Variants in FOXN3 observed in about 807,000 individuals in gnomAD.
FOXN3 encodes forkhead box protein N3.
In FOXN3, 7 loss-of-function variants were observed where a neutral mutation model predicts 38.4. The observed-to-expected ratio is 0.18, with a 90% CI of 0.10 to 0.34. The LOEUF is 0.34. FOXN3 is among the 10% of genes least tolerant of loss of function. The probability of loss-of-function intolerance (pLI) is 1.00; values close to 1 mark genes in which losing one functional copy is unlikely to be tolerated. For synonymous variants in FOXN3, 230 were observed against 242.2 expected (o/e 0.95, Z 0.47); for missense variants, 456 against 613.4 (o/e 0.74, Z 2.71).
At chr14:89,263,358 A>AG (rs902384982) in intron 4 of FOXN3, among the ~76,000 whole-genome samples, 112 of 152,244 alleles carry the variant, frequency 7.4e-4, no homozygotes, top group African/African-American at 2.6e-3. Flanking sequence ...GAATTTTTGA[A>AG]GAAAAAAAAA....
At chr14:89,438,522 C>G (rs1892315816) in intron 1 of FOXN3, among the ~76,000 whole-genome samples, 2 of 152,164 alleles carry the variant, frequency 1.3e-5, no homozygotes, top group Admixed American at 6.5e-5. Context: ...ATCTTCTATT[C>G]TCTCTAGAGA....
At chr14:89,339,449 C>T (rs1196378591) in intron 3 of FOXN3, among the ~76,000 whole-genome samples, 3 of 152,202 alleles carry the variant, frequency 2.0e-5, no homozygotes, top group African/African-American at 7.2e-5. Context: ...ATTGGCCAAC[C>T]TGCAGGAGCT....
intron 1 of FOXN3, among the ~76,000 whole-genome samples, chr14:89,533,293 C>G (rs1007515910): frequency 2.0e-5 from 3 of 152,174 alleles, no homozygotes; most frequent in African/African-American, 7.2e-5. Flanking sequence ...CAGCTGATGA[C>G]ACTCATGAAC....
intron 2 of FOXN3, among the ~76,000 whole-genome samples, chr14:89,393,718 T>C (rs1035747688): frequency 2.6e-4 from 40 of 152,112 alleles, no homozygotes; most frequent in African/African-American, 8.0e-4. Flanking sequence ...GCTAACAAAA[T>C]AACCATCTGG....
intron 4 of FOXN3, among the ~76,000 whole-genome samples, chr14:89,212,320 G>T (rs1884122196): frequency 6.6e-6 from 1 of 152,228 alleles, no homozygotes; most frequent in Non-Finnish European, 1.5e-5. Context: ...CGGAGGTTGG[G>T]AAGCTACAGT....
intron 1 of FOXN3, among the ~76,000 whole-genome samples, chr14:89,600,493 A>G (rs1227295127): frequency 1.3e-5 from 2 of 152,178 alleles, no homozygotes; most frequent in African/African-American, 4.8e-5. Flanking sequence ...TTTTCTCCAA[A>G]TTTTTATTTT....
intron 3 of FOXN3, among the ~76,000 whole-genome samples, chr14:89,334,400 A>G (rs1888375593): frequency 1.3e-5 from 2 of 152,162 alleles, no homozygotes; most frequent in Non-Finnish European, 1.5e-5. Flanking sequence ...ACCTGAGGTC[A>G]GGAGTTTGAG....
chr14:89,257,069 C>A (rs560294820), intron 4 of FOXN3, among the ~76,000 whole-genome samples: 2 of 152,338 alleles, frequency 1.3e-5, no homozygotes, highest in African/African-American at 4.8e-5. Flanking sequence ...GGAAAACAAA[C>A]CCCTCCTTAA....
intron 4 of FOXN3, among the ~76,000 whole-genome samples, chr14:89,239,972 C>T (rs1427123229): frequency 6.6e-6 from 1 of 152,176 alleles, no homozygotes; most frequent in Non-Finnish European, 1.5e-5. Context: ...AATCTTGTCC[C>T]ACAAGGCCAT....
chr14:89,415,926 C>G (rs1457377530), intron 1 of FOXN3, among the ~76,000 whole-genome samples: 1 of 150,776 alleles, frequency 6.6e-6, no homozygotes, highest in East Asian at 1.9e-4. Flanking sequence ...TTGTTACCCT[C>G]TTTATTTTTT....
intron 1 of FOXN3, among the ~76,000 whole-genome samples, chr14:89,540,558 C>T (rs569462241): frequency 1.2e-3 from 182 of 152,084 alleles, no homozygotes; most frequent in African/African-American, 4.2e-3. Flanking sequence ...CATAGTGAAA[C>T]GTCGTCTCTA....
chr14:89,235,476 C>T lies in FOXN3; in HGVS notation c.745+45474G>A, dbSNP rs73323118. On this transcript the variant is annotated intron_variant, in intron 4 of 5. Transcript: ENST00000557258. ...TCCAAAAAAGAGGATGACACCTGAACGCCCAGCAGGTCTTTGGAACTGTGA... is the reference window on the plus strand; with the variant it reads ...TCCAAAAAAGAGGATGACACCTGAATGCCCAGCAGGTCTTTGGAACTGTGA... Among the ~76,000 whole-genome samples, 632 of 152,268 alleles carry T rather than the reference C, an allele frequency of 4.2e-3. 5 individuals carry two copies. Among genetic ancestry groups the T allele is most frequent in the African/African-American group, 0.014 (580 of 41,556 alleles).
intron 4 of FOXN3, among the ~76,000 whole-genome samples, chr14:89,225,238 G>A (rs184556865): frequency 1.5e-3 from 222 of 152,106 alleles, no homozygotes; most frequent in African/African-American, 5.0e-3. Context: ...CCAAGAGTTC[G>A]AAGCTGCAGT....
chr14:89,606,059 T>C (rs754910369), intron 1 of FOXN3, among the ~76,000 whole-genome samples: 2 of 151,808 alleles, frequency 1.3e-5, no homozygotes, highest in Non-Finnish European at 2.9e-5. Flanking sequence ...ATAAATGATA[T>C]CACAAATGAA....
intron 1 of FOXN3, among the ~76,000 whole-genome samples, chr14:89,468,642 A>G (rs1455168940): frequency 6.6e-6 from 1 of 152,166 alleles, no homozygotes; most frequent in South Asian, 2.1e-4. Context: ...GACAGCACTC[A>G]AATATGTATT....
chr14:89,232,736 C>T (rs1189202352), intron 4 of FOXN3, among the ~76,000 whole-genome samples: 1 of 152,154 alleles, frequency 6.6e-6, no homozygotes, highest in Non-Finnish European at 1.5e-5. Flanking sequence ...GACAGCGCGC[C>T]AGCCTTACGA....
intron 1 of FOXN3, among the ~76,000 whole-genome samples, chr14:89,510,175 C>G (rs1348851478): frequency 1.3e-5 from 2 of 152,158 alleles, no homozygotes; most frequent in Non-Finnish European, 2.9e-5. Context: ...CATGAAAACC[C>G]TGAGGCTCAG....
intron 3 of FOXN3, among the ~76,000 whole-genome samples, chr14:89,311,208 G>A (rs1047110135): frequency 1.1e-4 from 17 of 150,608 alleles, no homozygotes; most frequent in Non-Finnish European, 2.2e-4. Context: ...AAGGTGTATC[G>A]GGCCGGTGCG....
At chr14:89,328,462 T>G (rs996719362) in intron 3 of FOXN3, among the ~76,000 whole-genome samples, 1 of 151,686 alleles carries the variant, frequency 6.6e-6, no homozygotes, top group African/African-American at 2.4e-5. Flanking sequence ...ACAGCAGCCC[T>G]GGTTGAATGG....
Sources: gnomAD v4.1 joint callset for allele counts (sites outside exome capture counted in the v4.1 genomes callset) on GRCh38, gnomAD v4.1.1 for gene constraint, MANE v1.5 for transcripts, NCBI Gene and HGNC (gene_info 2026-07-23, HGNC 2026-07-21) for gene names.